Variants in RIC3 observed in about 807,000 individuals in gnomAD.
The protein encoded by RIC3 is RIC3 acetylcholine receptor chaperone, also known as protein RIC-3.
RIC3 carries 28 observed loss-of-function variants against 27.3 expected under a neutral mutation model. The observed-to-expected ratio is 1.02, with a 90% confidence interval of 0.76 to 1.41. RIC3 has a LOEUF of 1.41. RIC3 is among the 40% of genes most tolerant of loss of function. The probability of loss-of-function intolerance (pLI) is 0.00; values close to 1 mark genes in which losing one functional copy is unlikely to be tolerated. For missense variants in RIC3, 501 were observed against 444.7 expected (o/e 1.13, Z -1.14); for synonymous variants, 184 against 160.4 (o/e 1.15, Z -1.11).
At chr11:8,121,359 T>C (rs1946427123) in intron 5 of RIC3, among the ~76,000 whole-genome samples, 1 of 152,206 alleles carries the variant, frequency 6.6e-6, no homozygotes, top group African/African-American at 2.4e-5. Context: ...TTTTTCTCTT[T>C]GTGAACTGCT....
At chr11:8,135,253 T>G (rs1009704266) in intron 4 of RIC3, among the ~76,000 whole-genome samples, 3 of 152,234 alleles carry the variant, frequency 2.0e-5, no homozygotes, top group East Asian at 3.8e-4. Context: ...CTTTCCCCAT[T>G]TCTTGTTTTT....
At chr11:8,147,123 T>A (rs1359589721) in intron 1 of RIC3, among the ~76,000 whole-genome samples, 1 of 152,224 alleles carries the variant, frequency 6.6e-6, no homozygotes, top group Non-Finnish European at 1.5e-5. Context: ...CTCTCACCTA[T>A]CTGTGACCTG....
the RIC3 span, chr11:8,101,003 T>C: frequency 6.2e-7 from 1 of 1,614,022 alleles, no homozygotes; most frequent in Non-Finnish European, 8.5e-7. Context: ...TGACCGTGAG[T>C]GTTTCTGTCC....
intron 5 of RIC3, among the ~76,000 whole-genome samples, chr11:8,113,774 C>T (rs1366715722): frequency 1.3e-5 from 2 of 152,158 alleles, no homozygotes; most frequent in Non-Finnish European, 2.9e-5. Context: ...CCCCAGGACC[C>T]AAGCCAGCCC....
At chr11:8,101,267 T>C (rs1212623202), downstream of RIC3, among the ~76,000 whole-genome samples, 2 of 152,222 alleles carry the variant, frequency 1.3e-5, no homozygotes, top group African/African-American at 2.4e-5. Flanking sequence ...TTCTGTCCCC[T>C]GGTGTTCACA....
intron 1 of RIC3, chr11:8,153,331 G>A: frequency 2.5e-6 from 1 of 403,874 alleles, no homozygotes; most frequent in Admixed American, 3.3e-5. Context: ...TTTAAAAAGA[G>A]TTTACAGACA....
chr11:8,102,374 C>T (rs1367518494), downstream of RIC3: 1 of 152,226 alleles, frequency 6.6e-6, no homozygotes, highest in Non-Finnish European at 1.5e-5. Flanking sequence ...CCCTGCAAGA[C>T]ACAGGCTCAG....
chr11:8,166,314 T>G (rs1264674588), intron 1 of RIC3, among the ~76,000 whole-genome samples: 1 of 152,228 alleles, frequency 6.6e-6, no homozygotes, highest in Non-Finnish European at 1.5e-5. Flanking sequence ...CTATACACTA[T>G]GTGCACAGTA....
At chr11:8,153,158 A>T (rs1162812747) in intron 1 of RIC3, among the ~76,000 whole-genome samples, 1 of 152,206 alleles carries the variant, frequency 6.6e-6, no homozygotes, top group Non-Finnish European at 1.5e-5. Flanking sequence ...GCAATGGAAC[A>T]TATAGACTAG....
intron 1 of RIC3, among the ~76,000 whole-genome samples, chr11:8,161,939 A>C (rs1951204414): frequency 7.7e-6 from 1 of 129,044 alleles, no homozygotes; most frequent in Non-Finnish European, 1.7e-5. Flanking sequence ...GAATGTGAGG[A>C]GGTAATGTCC....
intron 1 of RIC3, among the ~76,000 whole-genome samples, chr11:8,141,540 G>C (rs2133942014): frequency 6.6e-6 from 1 of 151,460 alleles, no homozygotes; most frequent in East Asian, 2.0e-4. Context: ...AGTCCTGAGT[G>C]ACCTACAAAG....
At chr11:8,137,508 C>CA in intron 3 of RIC3, 37 bp from the exon 4 acceptor site, 1 of 1,566,132 alleles carries the variant, frequency 6.4e-7, no homozygotes, top group South Asian at 1.1e-5. Context: ...CCATCAGAGA[C>CA]AACTCCCTAA....
the RIC3 span, among the ~76,000 whole-genome samples, chr11:8,095,077 T>C: frequency 6.6e-6 from 1 of 152,200 alleles, no homozygotes; most frequent in Non-Finnish European, 1.5e-5. Context: ...ACTGCACGTG[T>C]GTATGTTGTG....
At chr11:8,122,441 G>A (rs971459999) in intron 5 of RIC3, among the ~76,000 whole-genome samples, 14 of 150,828 alleles carry the variant, frequency 9.3e-5, no homozygotes, top group African/African-American at 2.9e-4. Flanking sequence ...ATTGCTAAGT[G>A]TATACCACAG....
intron 1 of RIC3, among the ~76,000 whole-genome samples, chr11:8,145,545 A>G (rs1949593069): frequency 6.6e-6 from 1 of 152,182 alleles, no homozygotes; most frequent in Admixed American, 6.5e-5. Context: ...CTTTCCAATC[A>G]GCTATAGCTG....
intron 1 of RIC3, among the ~76,000 whole-genome samples, chr11:8,160,737 G>A (rs1334350676): frequency 2.6e-5 from 4 of 152,160 alleles, no homozygotes; most frequent in African/African-American, 9.7e-5. Flanking sequence ...TTCATGAACT[G>A]TCTTAGATAT....
At chr11:8,121,859 C>G (rs1452710523) in intron 5 of RIC3, among the ~76,000 whole-genome samples, 1 of 152,012 alleles carries the variant, frequency 6.6e-6, no homozygotes, top group African/African-American at 2.4e-5. Flanking sequence ...AATCTTTTCC[C>G]TTAGAATTTG....
the RIC3 span, among the ~76,000 whole-genome samples, chr11:8,098,570 G>A: frequency 6.6e-6 from 1 of 152,228 alleles, no homozygotes; most frequent in Non-Finnish European, 1.5e-5. Flanking sequence ...TCAACTCAGA[G>A]CAAGTCCAGG....
At chr11:8,096,927 T>C in the RIC3 span, 1 of 1,122,336 alleles carries the variant, frequency 8.9e-7, no homozygotes, top group East Asian at 2.3e-5. Flanking sequence ...GCCTCTTATG[T>C]CCCTCTACCT....
Sources: allele counts gnomAD v4.1 joint callset (sites outside exome capture counted in the v4.1 genomes callset), GRCh38; gene constraint gnomAD v4.1.1; transcripts MANE v1.5; gene names NCBI Gene and HGNC (gene_info 2026-07-23, HGNC 2026-07-21).